The following HHAT variants were observed in gnomAD, a reference collection of about 807,000 sequenced individuals.
HHAT encodes protein-cysteine N-palmitoyltransferase HHAT.
In HHAT, 47 loss-of-function variants were observed where a neutral mutation model predicts 70.8. The observed-to-expected ratio is 0.66, with a 90% CI of 0.53 to 0.85. The LOEUF (loss-of-function observed/expected upper bound fraction) is 0.85, where lower values mean the gene tolerates loss of function less well. Among genes scored for constraint, HHAT ranks in the 40% least tolerant of loss-of-function variants. HHAT has a pLI of 0.00. For missense variants in HHAT, 609 were observed against 604.8 expected, an observed-to-expected ratio of 1.01 and a Z score of -0.07; for synonymous variants, 228 against 247.6, an observed-to-expected ratio of 0.92 and a Z score of 0.74.
chr1:210,588,940 C>T (rs950018337), intron 10 of HHAT: 2 of 152,166 alleles, frequency 1.3e-5, no homozygotes, highest in Non-Finnish European at 2.9e-5. Context: ...TTTCTCTTTA[C>T]ACATATATTT....
chr1:210,370,352 T>G (rs1233362035), intron 3 of HHAT, among the ~76,000 whole-genome samples: 1 of 151,562 alleles, frequency 6.6e-6, no homozygotes, highest in Non-Finnish European at 1.5e-5. Flanking sequence ...TTTTTGTATT[T>G]TTAGTAGAGA....
intron 1 of HHAT, among the ~76,000 whole-genome samples, chr1:210,330,173 T>A (rs1228733888): frequency 6.6e-6 from 1 of 152,174 alleles, no homozygotes; most frequent in African/African-American, 2.4e-5. Flanking sequence ...GAGGAATGAT[T>A]TTTTTCCCCT....
chr1:210,480,525 T>C (rs971217634), intron 8 of HHAT, among the ~76,000 whole-genome samples: 5 of 152,220 alleles, frequency 3.3e-5, no homozygotes, highest in Non-Finnish European at 5.9e-5. Context: ...ATGGAGCTTA[T>C]TCCAGGAGGC....
intron 7 of HHAT, among the ~76,000 whole-genome samples, chr1:210,427,862 T>G (rs1029442286): frequency 6.6e-6 from 1 of 152,116 alleles, no homozygotes; most frequent in Non-Finnish European, 1.5e-5. Context: ...TAATTTTCTG[T>G]CTAGATGATC....
intron 2 of HHAT, among the ~76,000 whole-genome samples, chr1:210,354,552 A>C (rs1440509746): frequency 6.6e-6 from 1 of 152,016 alleles, no homozygotes; most frequent in Non-Finnish European, 1.5e-5. Flanking sequence ...AAGAGAGACA[A>C]GCTCTCTCTA....
chr1:210,611,510 C>G (rs1174787013), intron 10 of HHAT, among the ~76,000 whole-genome samples: 2 of 152,078 alleles, frequency 1.3e-5, no homozygotes, highest in African/African-American at 4.8e-5. Context: ...TTTCTCTTGC[C>G]TGATTGCCCT....
chr1:210,443,497 T>C, intron 7 of HHAT, among the ~76,000 whole-genome samples: 1 of 136,958 alleles, frequency 7.3e-6, no homozygotes, highest in East Asian at 2.3e-4. Context: ...TTCTTCCATT[T>C]GTTTGTATCC....
intron 4 of HHAT, among the ~76,000 whole-genome samples, chr1:210,396,212 G>A (rs182282984): frequency 6.6e-6 from 1 of 152,174 alleles, no homozygotes; most frequent in East Asian, 1.9e-4. Context: ...CCGGCTTTCT[G>A]TTTCATCTCC....
At position 210,418,259 on chromosome 1, in the gene HHAT, C is replaced by A. The variant is rs745691529; in HGVS notation, c.790C>A (p.Leu264Met). 6.2e-7 allele frequency: 1 copy of A among 1,613,790 alleles called. No homozygotes were observed. Among genetic ancestry groups the A allele is most frequent in the Non-Finnish European group, 8.5e-7 (1 of 1,179,936 alleles). Residue 264 changes from leucine to methionine, a missense_variant, in exon 7 of 12, where the codon CTG becomes ATG. Transcript: ENST00000261458. ...GTGGCTGGCCGAGCTGATGGCTCAC[C>A]TGATGTACATGCATGCCATCTACAG... ...WWWLAELMAH[L>M]MYMHAIYSSI...
intron 2 of HHAT, among the ~76,000 whole-genome samples, chr1:210,356,594 T>C (rs1005824492): frequency 5.3e-5 from 8 of 152,268 alleles, no homozygotes; most frequent in Admixed American, 1.3e-4. Flanking sequence ...ATTCACCTTC[T>C]ACCTTTTGTT....
chr1:210,465,342 A>G (rs1056431314), intron 8 of HHAT, among the ~76,000 whole-genome samples: 5 of 151,936 alleles, frequency 3.3e-5, no homozygotes, highest in Admixed American at 1.3e-4. Flanking sequence ...CTGCCATTTC[A>G]GATTGTTGTT....
intron 10 of HHAT, among the ~76,000 whole-genome samples, chr1:210,620,787 AC>A (rs1175942375): frequency 6.6e-6 from 1 of 152,096 alleles, no homozygotes; most frequent in Non-Finnish European, 1.5e-5. Flanking sequence ...TTTTTAAAAA[AC>A]ATTTATAAAA....
At chr1:210,584,305 G>A (rs929414595) in intron 9 of HHAT, among the ~76,000 whole-genome samples, 10 of 152,060 alleles carry the variant, frequency 6.6e-5, no homozygotes, top group Admixed American at 2.0e-4. Context: ...GGTGAAGAGA[G>A]CATTTGATAA....
chr1:210,480,034 C>T (rs2094368761), intron 8 of HHAT, among the ~76,000 whole-genome samples: 7 of 152,124 alleles, frequency 4.6e-5, no homozygotes, highest in South Asian at 4.1e-4. Context: ...AGAATTTAAT[C>T]TTTCTGTATA....
chr1:210,673,974 T>TTA (rs1372427645), intron 11 of HHAT, among the ~76,000 whole-genome samples: 16 of 148,518 alleles, frequency 1.1e-4, no homozygotes, highest in South Asian at 2.2e-4. Context: ...TTTTTTTTAT[T>TTA]ATACTTTAAG....
intron 8 of HHAT, among the ~76,000 whole-genome samples, chr1:210,487,284 G>A (rs1008460203): frequency 1.3e-5 from 2 of 151,116 alleles, no homozygotes; most frequent in East Asian, 3.9e-4. Context: ...GCCATTCTCA[G>A]AATAAGTCAA....
chr1:210,555,109 C>A (rs1188334283), intron 9 of HHAT, among the ~76,000 whole-genome samples: 2 of 152,166 alleles, frequency 1.3e-5, no homozygotes, highest in African/African-American at 4.8e-5. Flanking sequence ...CTCAAGGAAC[C>A]AATAAAAGTT....
intron 3 of HHAT, among the ~76,000 whole-genome samples, chr1:210,383,598 T>C (rs1028272806): frequency 6.6e-6 from 1 of 152,140 alleles, no homozygotes; most frequent in Non-Finnish European, 1.5e-5. Context: ...CCATAGAATA[T>C]GCAACATCAA....
intron 7 of HHAT, among the ~76,000 whole-genome samples, chr1:210,434,207 T>C (rs2093322711): frequency 6.6e-6 from 1 of 151,954 alleles, no homozygotes; most frequent in Non-Finnish European, 1.5e-5. Context: ...GTGATTGACT[T>C]TGGTCATGGT....
Sources: gnomAD v4.1 joint callset for allele counts (sites outside exome capture counted in the v4.1 genomes callset) on GRCh38, gnomAD v4.1.1 for gene constraint, MANE v1.5 for transcripts, NCBI Gene and HGNC (gene_info 2026-07-23, HGNC 2026-07-21) for gene names.